AGAP1: variants seen among roughly 807,000 people sequenced by gnomAD.
AGAP1 encodes arf-GAP with GTPase, ANK repeat and PH domain-containing protein 1.
Under a neutral mutation model 105.3 loss-of-function variants are expected in AGAP1, and 29 were observed. That is an observed-to-expected ratio of 0.28 (90% CI 0.21 to 0.38). AGAP1 has a LOEUF of 0.38. AGAP1 is among the 10% of genes least tolerant of loss of function. The pLI is 1.00. For synonymous variants in AGAP1, 509 were observed against 485.9 expected (o/e 1.05, Z -0.63); for missense variants, 998 against 1,165.1 (o/e 0.86, Z 2.09).
chr2:236,098,320 G>A (rs1377356622), intron 16 of AGAP1, among the ~76,000 whole-genome samples: 2 of 152,120 alleles, frequency 1.3e-5, no homozygotes, highest in South Asian at 2.1e-4. Flanking sequence ...GCTCACACCT[G>A]TAATCCCAGC....
At chr2:235,945,881 A>G (rs1157097336) in intron 12 of AGAP1, among the ~76,000 whole-genome samples, 2 of 126,246 alleles carry the variant, frequency 1.6e-5, no homozygotes, top group Non-Finnish European at 3.2e-5. Flanking sequence ...CCGGCACTTC[A>G]CATGGCTGGC....
At chr2:235,538,624 C>T (rs938674129) in intron 1 of AGAP1, among the ~76,000 whole-genome samples, 4 of 152,034 alleles carry the variant, frequency 2.6e-5, no homozygotes, top group East Asian at 1.9e-4. Flanking sequence ...CTCCAGTCTC[C>T]GCCACGGAGA....
rs376296205 is a variant in AGAP1, at chr2:235,967,647, A to G, written c.1484-815A>G. On this transcript the variant is annotated intron_variant, in intron 12 of 17. Transcript: ENST00000304032. The surrounding 1 kb of genome is among the most constrained non-coding windows in gnomAD (Gnocchi z 4.7). Reference sequence around the variant, plus strand: ...CTGAATCGTGAAATAAAAACTTTTCAAGACGCCGTAGGCATGCACCACCTG... The same window carrying G: ...CTGAATCGTGAAATAAAAACTTTTCGAGACGCCGTAGGCATGCACCACCTG... 5.0e-4 allele frequency among the ~76,000 whole-genome samples: 76 copies of G among 152,320 alleles called. No individual in the cohort carries two copies. The highest frequency in any genetic ancestry group is 1.8e-3 in the African/African-American group (75 of 41,574).
intron 6 of AGAP1, among the ~76,000 whole-genome samples, chr2:235,772,365 ACT>A (rs1955529803): frequency 6.6e-6 from 1 of 152,164 alleles, no homozygotes; most frequent in African/African-American, 2.4e-5. Flanking sequence ...ACACTGAGAA[ACT>A]CTGATTTCTC....
chr2:236,111,005 C>T (rs1227978064), intron 16 of AGAP1, among the ~76,000 whole-genome samples: 3 of 152,140 alleles, frequency 2.0e-5, no homozygotes, highest in Non-Finnish European at 4.4e-5. Flanking sequence ...CCAGCCCCCT[C>T]GGGCCTCTTT....
chr2:235,563,556 T>C (rs1366649272), intron 1 of AGAP1, among the ~76,000 whole-genome samples: 4 of 138,242 alleles, frequency 2.9e-5, no homozygotes, highest in African/African-American at 1.1e-4. Context: ...AAGTTGTCGT[T>C]TTATAACTTT....
chr2:235,497,039 A>G (rs960627970), intron 1 of AGAP1, among the ~76,000 whole-genome samples: 12 of 152,326 alleles, frequency 7.9e-5, no homozygotes, highest in Admixed American at 2.0e-4. Flanking sequence ...TCTGTTATCA[A>G]TAATGATACC....
chr2:236,005,461 C>T lies in AGAP1; in HGVS notation c.1646-31100C>T, dbSNP rs2056290507. Among the ~76,000 whole-genome samples, 1 of 152,128 alleles carries T rather than the reference C, an allele frequency of 6.6e-6. No individual in the cohort carries two copies. The highest frequency in any genetic ancestry group is 1.5e-5 in the Non-Finnish European group (1 of 68,018). The stretch of plus-strand genomic sequence containing the variant: ...CACCCTCTCCCCTGTTAATTTACCT[C>T]TTTCATTAGTATGGTACATTTCTTA... On this transcript the variant is annotated intron_variant, in intron 13 of 17. Coordinates refer to ENST00000304032, the MANE Select transcript of AGAP1 (RefSeq NM_001037131.3). The surrounding 1 kb of genome is among the most constrained non-coding windows in gnomAD (Gnocchi z 4.1).
intron 16 of AGAP1, among the ~76,000 whole-genome samples, chr2:236,052,902 A>G (rs2057946394): frequency 6.6e-6 from 1 of 152,216 alleles, no homozygotes; most frequent in South Asian, 2.1e-4. Context: ...CCATTTAAGC[A>G]CACACTTAAA....
rs545821207 is a variant in AGAP1 at position 235,611,152 on chromosome 2, A to G, written c.164-98027A>G. On this transcript the variant is annotated intron_variant, in intron 1 of 17. Coordinates refer to ENST00000304032, the MANE Select transcript of AGAP1 (RefSeq NM_001037131.3). This position sits in a 1 kb window ranked among gnomAD's most constrained non-coding sequence, Gnocchi z 5.0. ...TACTGGATCCTCCACCTCTCACTTCATTTTGCCAGTTGAAATGTTCCCCTG... is the reference window on the plus strand; with the variant it reads ...TACTGGATCCTCCACCTCTCACTTCGTTTTGCCAGTTGAAATGTTCCCCTG... Among the ~76,000 whole-genome samples the G allele has an allele frequency of 6.6e-6, 1 of 151,922 alleles. No individual in the cohort carries two copies. Among genetic ancestry groups the G allele is most frequent in the African/African-American group, 2.4e-5 (1 of 41,376 alleles).
At position 235,665,765 on chromosome 2, in the gene AGAP1, T is replaced by G. The variant is rs1948106854; in HGVS notation, c.164-43414T>G. Among the ~76,000 whole-genome samples the G allele has an allele frequency of 6.6e-6, 1 of 152,156 alleles. No individual in the cohort carries two copies. Among genetic ancestry groups the G allele is most frequent in the South Asian group, 2.1e-4 (1 of 4,810 alleles). On this transcript the variant is annotated intron_variant, in intron 1 of 17. Coordinates refer to ENST00000304032, the MANE Select transcript of AGAP1 (RefSeq NM_001037131.3). The surrounding 1 kb of genome is among the most constrained non-coding windows in gnomAD (Gnocchi z 5.3). ...CTCAGGCCTGGGCAGTACCAGTGGT[T>G]GGCCAGTTTCTACCATCAGCAGACG... is the stretch of plus-strand genomic sequence containing the variant.
intron 10 of AGAP1, among the ~76,000 whole-genome samples, chr2:235,898,087 ATCCGC>A (rs2050892173): frequency 6.6e-6 from 1 of 152,254 alleles, no homozygotes; most frequent in East Asian, 1.9e-4. Flanking sequence ...TAGGCTAAAA[ATCCGC>A]TGATGATTAC....
At chr2:235,926,537 G>C (rs551092373) in intron 11 of AGAP1, among the ~76,000 whole-genome samples, 2 of 152,178 alleles carry the variant, frequency 1.3e-5, no homozygotes, top group African/African-American at 4.8e-5. Context: ...CAATATTTCT[G>C]ACCCTGTGTA....
intron 6 of AGAP1, among the ~76,000 whole-genome samples, chr2:235,756,768 CTG>C (rs1439432575): frequency 6.6e-6 from 1 of 152,162 alleles, no homozygotes; most frequent in African/African-American, 2.4e-5. Context: ...CTGTTGTGAA[CTG>C]TGCATGCGTG....
rs943888977 is a variant in AGAP1, at chr2:236,105,648, C to T, written c.2115-14544C>T. Among the ~76,000 whole-genome samples the T allele has an allele frequency of 2.6e-5, 4 of 150,980 alleles. No individual in the cohort carries two copies. The highest frequency in any genetic ancestry group is 4.4e-5 in the Non-Finnish European group (3 of 67,762). ...TCGGCTCACTGCAACCTCCGCCTCC[C>T]GGGTTCACACCATTCTCCCGCGTTC... On this transcript the variant is annotated intron_variant, in intron 16 of 17. Coordinates refer to ENST00000304032, the MANE Select transcript of AGAP1 (RefSeq NM_001037131.3). This position sits in a 1 kb window ranked among gnomAD's most constrained non-coding sequence, Gnocchi z 4.2.
At chr2:235,764,576 C>A (rs1230076139) in intron 6 of AGAP1, among the ~76,000 whole-genome samples, 2 of 152,210 alleles carry the variant, frequency 1.3e-5, no homozygotes, top group Non-Finnish European at 2.9e-5. Flanking sequence ...GAATTAAAAC[C>A]CAAACATGTC....
intron 1 of AGAP1, among the ~76,000 whole-genome samples, chr2:235,637,724 A>G (rs1398769229): frequency 1.3e-5 from 2 of 152,230 alleles, no homozygotes; most frequent in Admixed American, 1.3e-4. Flanking sequence ...TCAGAGAAGC[A>G]GAACCATATG....
rs1405133856 is a variant in AGAP1, at chr2:235,957,146, C to T, written c.1484-11316C>T. On this transcript the variant is annotated intron_variant, in intron 12 of 17. Transcript: ENST00000304032. This position sits in a 1 kb window ranked among gnomAD's most constrained non-coding sequence, Gnocchi z 4.6. The stretch of plus-strand genomic sequence containing the variant: ...ATCGTCTCAAAAAGGAAACTCTGTT[C>T]TTGAATTGGTGGTCAGAATATGTAC... Among the ~76,000 whole-genome samples, 1 of 152,158 alleles carries T rather than the reference C, an allele frequency of 6.6e-6. No homozygotes were observed. Among genetic ancestry groups the T allele is most frequent in the Non-Finnish European group, 1.5e-5 (1 of 68,018 alleles).
rs2051192675 is a variant in AGAP1, at chr2:235,904,161, A to G, written c.1156-4577A>G. Among the ~76,000 whole-genome samples the G allele has an allele frequency of 6.6e-6, 1 of 152,248 alleles. No homozygotes were observed. The highest frequency in any genetic ancestry group is 1.5e-5 in the Non-Finnish European group (1 of 68,052). On this transcript the variant is annotated intron_variant, in intron 10 of 17. Transcript: ENST00000304032. This position sits in a 1 kb window ranked among gnomAD's most constrained non-coding sequence, Gnocchi z 4.2. ...CTCTTAATTGCTTGACTATGTGAAA[A>G]GAAATCACATTAATGCAGCTAATTA...
Sources: allele counts gnomAD v4.1 joint callset (sites outside exome capture counted in the v4.1 genomes callset), GRCh38; gene constraint gnomAD v4.1.1; non-coding constraint Gnocchi (gnomAD v3.1); transcripts MANE v1.5; gene names NCBI Gene and HGNC (gene_info 2026-07-23, HGNC 2026-07-21).